The following SHQ1 variants were observed in gnomAD, a reference collection of about 807,000 sequenced individuals.
The protein encoded by SHQ1 is SHQ1, H/ACA ribonucleoprotein assembly factor.
Under a neutral mutation model 53.8 loss-of-function variants are expected in SHQ1, and 49 were observed. The ratio of observed to expected loss-of-function variants is 0.91; its 90% confidence interval spans 0.72 to 1.16. The LOEUF (loss-of-function observed/expected upper bound fraction) is 1.16, where lower values mean the gene tolerates loss of function less well. Among genes scored for constraint, SHQ1 ranks in the 50% most tolerant of loss-of-function variants. SHQ1 has a pLI of 0.00. For synonymous variants in SHQ1, 243 were observed against 251.0 expected (o/e 0.97, Z 0.30); for missense variants, 738 against 683.1 (o/e 1.08, Z -0.90).
At chr3:72,774,630 A>C (rs1263596230) in intron 10 of SHQ1, among the ~76,000 whole-genome samples, 2 of 152,248 alleles carry the variant, frequency 1.3e-5, no homozygotes, top group Non-Finnish European at 2.9e-5. Flanking sequence ...AATTCAGTAC[A>C]TTTCCAAACC....
At position 72,844,422 on chromosome 3, in the gene SHQ1, A is replaced by C. The variant is rs1203366864; in HGVS notation, c.145T>G (p.Leu49Val). ...KFYAKPYFLRLTLPGRIVENG... is the reference protein window; with the variant it reads ...KFYAKPYFLRVTLPGRIVENG... ...TCTACAATTCTTCCAGGAAGGGTTAATCTGCAGATTTAACACAGGTCTCAT... is the reference window on the plus strand; with the variant it reads ...TCTACAATTCTTCCAGGAAGGGTTACTCTGCAGATTTAACACAGGTCTCAT... The change falls in exon 2 of 11, where the codon TTA becomes GTA. Residue 49 changes from leucine (L) to valine (V), a missense_variant and splice_region_variant. Transcript: ENST00000325599. 1.2e-6 allele frequency: 2 copies of C among 1,613,560 alleles called. No individual in the cohort carries two copies. The highest frequency in any genetic ancestry group is 2.2e-5 in the South Asian group (2 of 91,066).
chr3:72,750,438 G>A lies in SHQ1; in HGVS notation c.1580C>T (p.Ala527Val), dbSNP rs1047731047. ...ESDASQGKPL[A>V]SSWPLGVSGP... ...AGACACTCCAAGAGGCCAGGAAGAG[G>A]CAAGTGGCTTTCCCTGACTGGCATC... The change falls in exon 11 of 11, where the codon GCC becomes GTC. Residue 527 changes from alanine (A) to valine (V), a missense_variant. Physicochemically the swap from Ala to Val is moderately conservative, Grantham distance 64. Coordinates refer to ENST00000325599, the MANE Select transcript of SHQ1 (RefSeq NM_018130.3). 7 of 1,614,196 alleles carry A rather than the reference G, an allele frequency of 4.3e-6. No individual in the cohort carries two copies. Among genetic ancestry groups the A allele is most frequent in the Admixed American group, 3.3e-5 (2 of 60,026 alleles).
chr3:72,788,523 C>T (rs193299239), intron 10 of SHQ1, among the ~76,000 whole-genome samples: 45 of 152,276 alleles, frequency 3.0e-4, no homozygotes, highest in African/African-American at 1.0e-3. Context: ...TGCCCTGCCG[C>T]CCCGTCGGGG....
intron 10 of SHQ1, among the ~76,000 whole-genome samples, chr3:72,781,032 C>T (rs1052770811): frequency 4.0e-5 from 6 of 150,510 alleles, no homozygotes; most frequent in Non-Finnish European, 7.4e-5. Context: ...TGGTGGTGTG[C>T]ACTCAAGGCA....
In SHQ1 at chr3:72,753,688, A is replaced by AG. The variant is rs1225488047; in HGVS notation, c.1182-2853dup. ...GGGTTTAGGGTAAAGAGGAAAACCA[A>AG]GGTGAGATCCACTAGAGTCAGTTAA... On this transcript the variant is annotated intron_variant, in intron 10 of 10. Transcript: ENST00000325599. 8.4e-6 allele frequency: 8 copies of AG among 956,286 alleles called. No homozygotes were observed. The Admixed American group carries it at 1.8e-4, about 22-fold the overall frequency. 59.2% of individuals were successfully genotyped at this position (956,286 alleles called of 1,614,324 possible). A position where few individuals can be genotyped will look rare whatever the true frequency, so the allele number is the denominator to read the frequency against.
chr3:72,792,542 C>G (rs1449849454), intron 10 of SHQ1, among the ~76,000 whole-genome samples: 1 of 151,856 alleles, frequency 6.6e-6, no homozygotes, highest in East Asian at 1.9e-4. Context: ...TCCCAGCACT[C>G]TGGGAGGCCG....
At chr3:72,775,459 C>CTTTTT (rs202198673) in intron 10 of SHQ1, among the ~76,000 whole-genome samples, 5 of 119,632 alleles carry the variant, frequency 4.2e-5, no homozygotes, top group African/African-American at 9.2e-5. Context: ...GACACAATGG[C>CTTTTT]TTTTTTTTTT....
intron 10 of SHQ1, among the ~76,000 whole-genome samples, chr3:72,773,708 T>C (rs1022862096): frequency 1.3e-5 from 2 of 151,912 alleles, no homozygotes; most frequent in Non-Finnish European, 2.9e-5. Flanking sequence ...ATGAAAGGGA[T>C]TGTATAGGAA....
At chr3:72,797,349 G>A (rs918481474) in intron 9 of SHQ1, among the ~76,000 whole-genome samples, 3 of 152,136 alleles carry the variant, frequency 2.0e-5, no homozygotes, top group African/African-American at 7.2e-5. Context: ...CATCCACTGA[G>A]CAAATATGTG....
rs1451628334 is a variant in SHQ1 at position 72,750,337 on chromosome 3, C to T, written c.1681G>A (p.Val561Ile). ...CTCTCCTGAATATTGCTGCGGTTTA[C>T]AGCAGTGGTGCCCTTGGGTTCAGAA... ...QVSEPKGTTA[V>I]NRSNIQERDG... Residue 561 changes from valine to isoleucine, a missense_variant, in exon 11 of 11, where the codon GTA becomes ATA. Coordinates refer to ENST00000325599, the MANE Select transcript of SHQ1 (RefSeq NM_018130.3). The T allele has an allele frequency of 2.5e-6, 4 of 1,614,026 alleles. No homozygotes were observed. The highest frequency in any genetic ancestry group is 2.7e-5 in the African/African-American group (2 of 74,926).
Position 72,749,697 on chromosome 3 carries a change from G to A in SHQ1, c.*587C>T, listed in dbSNP as rs1705324899. 1 of 215,090 alleles carries A rather than the reference G, an allele frequency of 4.6e-6. No homozygotes were observed. Among genetic ancestry groups the A allele is most frequent in the Non-Finnish European group, 9.4e-6 (1 of 106,844 alleles). 13.3% of individuals were successfully genotyped at this position (215,090 alleles called of 1,614,324 possible). A position where few individuals can be genotyped will look rare whatever the true frequency, so the allele number is the denominator to read the frequency against. On this transcript the variant is annotated 3_prime_UTR_variant, in exon 11 of 11. Transcript: ENST00000325599. ...ACCTCCTAAAATAAAAATATTGATG[G>A]GCTCTACATTCTGGAGACACGGGCA...
chr3:72,745,617 G>A (rs892792416), downstream of SHQ1, among the ~76,000 whole-genome samples: 3 of 152,056 alleles, frequency 2.0e-5, no homozygotes, highest in Non-Finnish European at 4.4e-5. Context: ...TCACAGTGCC[G>A]GCTCCCCCAG....
chr3:72,753,722 C>T (rs1263316932), intron 10 of SHQ1: 1 of 748,430 alleles, frequency 1.3e-6, no homozygotes, highest in Non-Finnish European at 1.6e-6. Context: ...AATGATTCAC[C>T]AAAGCATTAT....
At chr3:72,791,710 T>C (rs1464793879) in intron 10 of SHQ1, among the ~76,000 whole-genome samples, 2 of 151,714 alleles carry the variant, frequency 1.3e-5, no homozygotes. Context: ...CCTTTATAGG[T>C]TTTTTGTTTT....
At position 72,766,056 on chromosome 3, in the gene SHQ1, C is replaced by T. The variant is rs181947268; in HGVS notation, c.1182-15220G>A. On this transcript the variant is annotated intron_variant, in intron 10 of 10. Transcript: ENST00000325599. ...CAGAACTCAAAAGGTAGCCAGGGTGCACTTGGGCCAGGGGGTGTTCAATTT... is the reference window on the plus strand; with the variant it reads ...CAGAACTCAAAAGGTAGCCAGGGTGTACTTGGGCCAGGGGGTGTTCAATTT... 5.9e-5 allele frequency among the ~76,000 whole-genome samples: 9 copies of T among 152,254 alleles called. No individual in the cohort carries two copies. The East Asian group carries it at 1.7e-3, about 29-fold the overall frequency.
Position 72,750,050 on chromosome 3 carries a change from G to A in SHQ1, c.*234C>T. ...ATGCTGTGGAAATAGTTGTCATACT[G>A]TATTATTTAGAGAATAATAACAAGA... On this transcript the variant is annotated 3_prime_UTR_variant, in exon 11 of 11. Transcript: ENST00000325599. 3.9e-6 allele frequency: 2 copies of A among 516,822 alleles called. No homozygotes were observed. The highest frequency in any genetic ancestry group is 3.3e-5 in the East Asian group (1 of 30,548). 32.0% of individuals were successfully genotyped at this position (516,822 alleles called of 1,614,324 possible). A position where few individuals can be genotyped will look rare whatever the true frequency, so the allele number is the denominator to read the frequency against.
Position 72,750,810 on chromosome 3 carries a change from T to C in SHQ1, c.1208A>G (p.Glu403Gly). The change falls in exon 11 of 11, where the codon GAA becomes GGA. Residue 403 changes from glutamate to glycine, a missense_variant. Transcript: ENST00000325599. ...VKSKKLAALA[E>G]ALKEVSLTKA... ...TGTAAGGGAGACTTCCTTTAAGGCT[T>C]CTGCAAGAGCTGCCAACTTTTTGGA... 1 of 1,519,596 alleles carries C rather than the reference T, an allele frequency of 6.6e-7. No individual in the cohort carries two copies. The highest frequency in any genetic ancestry group is 1.3e-5 in the South Asian group (1 of 79,256). The allele number at this position is 1,519,596 out of a possible 1,614,324, so 94.1% of individuals were successfully genotyped here.
intron 6 of SHQ1, among the ~76,000 whole-genome samples, chr3:72,822,641 C>T (rs1461680012): frequency 1.3e-5 from 2 of 152,196 alleles, no homozygotes; most frequent in Non-Finnish European, 2.9e-5. Flanking sequence ...ATTAGGGAAA[C>T]TGACTCAAAC....
chr3:72,749,380 G>C lies in SHQ1; in HGVS notation c.*904C>G, dbSNP rs1705317036. ...ATGAACAAATCTATTCAATGAAGCA[G>C]TACTCAGCAATGAAAAACATAAAAA... is the stretch of plus-strand genomic sequence containing the variant. On this transcript the variant is annotated 3_prime_UTR_variant, in exon 11 of 11. Coordinates refer to ENST00000325599, the MANE Select transcript of SHQ1 (RefSeq NM_018130.3). 1 of 227,902 alleles carries C rather than the reference G, an allele frequency of 4.4e-6. No homozygotes were observed. The highest frequency in any genetic ancestry group is 2.2e-5 in the African/African-American group (1 of 44,992). 14.1% of individuals were successfully genotyped at this position (227,902 alleles called of 1,614,324 possible).
Sources: gnomAD v4.1 joint callset for allele counts (sites outside exome capture counted in the v4.1 genomes callset) on GRCh38, gnomAD v4.1.1 for gene constraint, MANE v1.5 for transcripts, NCBI Gene and HGNC (gene_info 2026-07-23, HGNC 2026-07-21) for gene names.